Variants in MAP2K6 observed in about 807,000 individuals in gnomAD.
The protein encoded by MAP2K6 is mitogen-activated protein kinase kinase 6.
Under a neutral mutation model 53.7 loss-of-function variants are expected in MAP2K6, and 16 were observed. The ratio of observed to expected loss-of-function variants is 0.30; its 90% CI spans 0.20 to 0.45. MAP2K6 has a LOEUF of 0.45. Among genes scored for constraint, MAP2K6 ranks in the 20% least tolerant of loss-of-function variants. The pLI is 1.00. For missense variants in MAP2K6, 204 were observed against 411.9 expected (o/e 0.50, Z 4.37); for synonymous variants, 132 against 143.1 (o/e 0.92, Z 0.55).
At chr17:69,432,480 G>A (rs1458900722) in intron 1 of MAP2K6, among the ~76,000 whole-genome samples, 1 of 152,146 alleles carries the variant, frequency 6.6e-6, no homozygotes, top group African/African-American at 2.4e-5. Flanking sequence ...GCCATAAAAA[G>A]GAATGAGATC....
At chr17:69,468,803 T>A (rs1173548950) in intron 1 of MAP2K6, among the ~76,000 whole-genome samples, 1 of 152,090 alleles carries the variant, frequency 6.6e-6, no homozygotes, top group East Asian at 1.9e-4. Flanking sequence ...GATTTCAGGC[T>A]GCAAAAAGCC....
At chr17:69,511,002 G>A (rs143035572) in intron 2 of MAP2K6, among the ~76,000 whole-genome samples, 2,016 of 152,076 alleles carry the variant, frequency 0.013, 16 homozygotes, top group Middle Eastern at 0.031. Flanking sequence ...CCTGCCAGGA[G>A]TCTTACATCC....
rs1458746498 is a variant in MAP2K6 at position 69,548,505 on chromosome 17, T to G, written c.*6752T>G. ...GTCTCCTTATTATTCAGAAATATTCTTTTTCCTGCTGCACCATTAGGCAAA... is the reference window on the plus strand; with the variant it reads ...GTCTCCTTATTATTCAGAAATATTCGTTTTCCTGCTGCACCATTAGGCAAA... On this transcript the variant is annotated 3_prime_UTR_variant, in exon 12 of 12. Transcript: ENST00000590474. The G allele has an allele frequency of 1.3e-5, 2 of 152,172 alleles. No individual in the cohort carries two copies. The highest frequency in any genetic ancestry group is 2.9e-5 in the Non-Finnish European group (2 of 68,028). 9.4% of individuals were successfully genotyped at this position (152,172 alleles called of 1,614,324 possible).
chr17:69,436,208 T>C (rs1037673238), intron 1 of MAP2K6, among the ~76,000 whole-genome samples: 3 of 152,126 alleles, frequency 2.0e-5, no homozygotes, highest in Non-Finnish European at 4.4e-5. Flanking sequence ...GCTATCCTAA[T>C]CCCTCACCCT....
chr17:69,420,732 A>G, intron 1 of MAP2K6, among the ~76,000 whole-genome samples: 1 of 106,330 alleles, frequency 9.4e-6, no homozygotes, highest in African/African-American at 4.4e-5. Flanking sequence ...ATCCACATTT[A>G]TAAAATTTTT....
At chr17:69,439,801 C>T (rs1010011709) in intron 1 of MAP2K6, among the ~76,000 whole-genome samples, 4 of 152,122 alleles carry the variant, frequency 2.6e-5, no homozygotes, top group Non-Finnish European at 5.9e-5. Flanking sequence ...TAGGCCAGCT[C>T]GTCTTCTAGC....
chr17:69,514,131 G>T (rs181244127), intron 2 of MAP2K6, among the ~76,000 whole-genome samples: 2 of 151,866 alleles, frequency 1.3e-5, no homozygotes, highest in East Asian at 3.9e-4. Context: ...AAAAATCAGG[G>T]TGTTGAATAA....
chr17:69,500,884 G>T (rs1237348316), intron 1 of MAP2K6, among the ~76,000 whole-genome samples: 1 of 152,222 alleles, frequency 6.6e-6, no homozygotes, highest in East Asian at 1.9e-4. Flanking sequence ...TGGAAGATTG[G>T]AGGATGGCAG....
intron 1 of MAP2K6, among the ~76,000 whole-genome samples, chr17:69,486,026 C>G (rs1471797998): frequency 6.6e-6 from 1 of 152,030 alleles, no homozygotes; most frequent in Non-Finnish European, 1.5e-5. Flanking sequence ...TTTATGTAAA[C>G]TTTGAATGAA....
intron 10 of MAP2K6, among the ~76,000 whole-genome samples, chr17:69,528,104 C>G (rs1034626439): frequency 4.2e-5 from 1 of 23,830 alleles, no homozygotes; most frequent in African/African-American, 3.2e-4. Context: ...AATAAAACTT[C>G]GTCTCAAAAA....
At position 69,523,506 on chromosome 17, in the gene MAP2K6, G is replaced by T; in HGVS notation, c.536-8G>T. Reference sequence around the variant, plus strand: ...AAATGATGGCATCCTGGTTGTTTTCGCTTTCAGACGTCAAGCCTTCTAATG... The same window carrying T: ...AAATGATGGCATCCTGGTTGTTTTCTCTTTCAGACGTCAAGCCTTCTAATG... On this transcript the variant is annotated splice_polypyrimidine_tract_variant and splice_region_variant and intron_variant, in intron 7 of 11. Coordinates refer to ENST00000590474, the MANE Select transcript of MAP2K6 (RefSeq NM_002758.4). 1 of 1,613,018 alleles carries T rather than the reference G, an allele frequency of 6.2e-7. No individual in the cohort carries two copies. Among genetic ancestry groups the T allele is most frequent in the Non-Finnish European group, 8.5e-7 (1 of 1,179,136 alleles).
At position 69,544,029 on chromosome 17, in the gene MAP2K6, T is replaced by G. The variant is rs1378790223; in HGVS notation, c.*2276T>G. 1 of 152,192 alleles carries G rather than the reference T, an allele frequency of 6.6e-6. No individual in the cohort carries two copies. The highest frequency in any genetic ancestry group is 1.5e-5 in the Non-Finnish European group (1 of 68,048). 9.4% of individuals were successfully genotyped at this position (152,192 alleles called of 1,614,324 possible). On this transcript the variant is annotated 3_prime_UTR_variant, in exon 12 of 12. Transcript: ENST00000590474. The stretch of plus-strand genomic sequence containing the variant: ...GTGTTTTTTTGTTTTGTTTTGTTTT[T>G]TACACACCTTCATGTGATTCTGATG...
At chr17:69,465,147 C>T (rs776954252) in intron 1 of MAP2K6, among the ~76,000 whole-genome samples, 1 of 150,430 alleles carries the variant, frequency 6.6e-6, no homozygotes. Context: ...TCAGAGCCAC[C>T]TGGACTCATT....
rs976096819 is a variant in MAP2K6, at chr17:69,550,248, A to G, written c.*8495A>G. On this transcript the variant is annotated 3_prime_UTR_variant, in exon 12 of 12. Coordinates refer to ENST00000590474, the MANE Select transcript of MAP2K6 (RefSeq NM_002758.4). ...TAACGGGAAATTTGATGGTTGAGAA[A>G]AAGGAACGATATGCCTAAAGCATTT... is the stretch of plus-strand genomic sequence containing the variant. 2.6e-5 allele frequency: 4 copies of G among 152,206 alleles called. No homozygotes were observed. The highest frequency in any genetic ancestry group is 4.4e-5 in the Non-Finnish European group (3 of 68,028). The allele number at this position is 152,206 out of a possible 1,614,324, so 9.4% of individuals were successfully genotyped here. A position where few individuals can be genotyped will look rare whatever the true frequency, so the allele number is the denominator to read the frequency against.
intron 1 of MAP2K6, among the ~76,000 whole-genome samples, chr17:69,449,263 T>A (rs1162157945): frequency 6.6e-6 from 1 of 152,052 alleles, no homozygotes; most frequent in Non-Finnish European, 1.5e-5. Flanking sequence ...CTATATAATA[T>A]ACATCATATA....
intron 1 of MAP2K6, among the ~76,000 whole-genome samples, chr17:69,449,543 T>G: frequency 1.1e-5 from 1 of 88,444 alleles, no homozygotes; most frequent in Non-Finnish European, 2.4e-5. Flanking sequence ...CTTTCTTTCT[T>G]TCTTTCTTTC....
chr17:69,505,469 C>A (rs1042545110), intron 1 of MAP2K6: 22 of 196,220 alleles, frequency 1.1e-4, no homozygotes, highest in Admixed American at 4.8e-4. Context: ...AAAAAAGTTG[C>A]AATGACAAAT....
chr17:69,421,544 GTT>G (rs1230000400), intron 1 of MAP2K6, among the ~76,000 whole-genome samples: 3 of 141,448 alleles, frequency 2.1e-5, no homozygotes, highest in Non-Finnish European at 3.1e-5. Flanking sequence ...GTTGTTTTTT[GTT>G]TTTTTTTTTT....
intron 10 of MAP2K6, among the ~76,000 whole-genome samples, chr17:69,534,037 T>G (rs1275905373): frequency 6.6e-6 from 1 of 151,948 alleles, no homozygotes; most frequent in Non-Finnish European, 1.5e-5. Flanking sequence ...TGGGCTAGAG[T>G]GTTCTTTGTT....
Sources: allele counts gnomAD v4.1 joint callset (sites outside exome capture counted in the v4.1 genomes callset), GRCh38; gene constraint gnomAD v4.1.1; transcripts MANE v1.5; gene names NCBI Gene and HGNC (gene_info 2026-07-23, HGNC 2026-07-21).